Variants in HIVEP3 observed in about 807,000 individuals in gnomAD.
The protein encoded by HIVEP3 is transcription factor HIVEP3.
A neutral mutation model predicts 152.8 loss-of-function variants in HIVEP3; 49 were observed. The ratio of observed to expected loss-of-function variants is 0.32; its 90% CI spans 0.26 to 0.41. The LOEUF is 0.41. HIVEP3 is among the 10% of genes least tolerant of loss of function. HIVEP3 has a pLI of 1.00. For synonymous variants in HIVEP3, 1,269 were observed against 1,289.0 expected, an observed-to-expected ratio of 0.98 and a Z score of 0.33; for missense variants, 2,790 against 3,103.3, an observed-to-expected ratio of 0.90 and a Z score of 2.40.
intron 2 of HIVEP3, among the ~76,000 whole-genome samples, chr1:41,696,847 T>C (rs1018799951): frequency 1.3e-5 from 2 of 152,254 alleles, no homozygotes; most frequent in Non-Finnish European, 2.9e-5. Context: ...TGAATTTTTT[T>C]TCCTCTACTT....
At chr1:41,816,026 A>G (rs1481557538) in intron 1 of HIVEP3, among the ~76,000 whole-genome samples, 1 of 152,168 alleles carries the variant, frequency 6.6e-6, no homozygotes, top group East Asian at 1.9e-4. Context: ...AGAGCTGTGG[A>G]GCATCCTAAA....
rs61561436 is a variant in HIVEP3, at chr1:41,888,202, A to AT, written c.-801+30210dup. Among the ~76,000 whole-genome samples, 986 of 99,220 alleles carry AT rather than the reference A, an allele frequency of 9.9e-3. 11 individuals carry two copies. Among genetic ancestry groups the AT allele is most frequent in the East Asian group, 0.036 (131 of 3,638 alleles). 65.1% of individuals were successfully genotyped at this position (99,220 alleles called of 152,430 possible). ...AGGCACCCACCACCACGCCCGGCTA[A>AT]TTTTTTTTTTTTTTTTTTTTTTTGT... On this transcript the variant is annotated intron_variant, in intron 1 of 8. Transcript: ENST00000372583.
chr1:41,698,906 A>G (rs1646318468), intron 2 of HIVEP3, among the ~76,000 whole-genome samples: 1 of 152,070 alleles, frequency 6.6e-6, no homozygotes, highest in Non-Finnish European at 1.5e-5. Flanking sequence ...AGAAGGGGCA[A>G]ACTTGCTCTT....
intron 1 of HIVEP3, among the ~76,000 whole-genome samples, chr1:41,966,478 T>C (rs1645198612): frequency 7.9e-6 from 1 of 125,826 alleles, no homozygotes; most frequent in Non-Finnish European, 1.7e-5. Flanking sequence ...CTGTATTCTT[T>C]TTTTTTTTTT....
Position 41,642,177 on chromosome 1 carries a change from G to A in HIVEP3, c.-720-13230C>T, listed in dbSNP as rs891089603. 1.1e-4 allele frequency among the ~76,000 whole-genome samples: 17 copies of A among 152,288 alleles called. No homozygotes were observed. The South Asian group carries it at 1.9e-3, about 17-fold the overall frequency. ...TCTGCACTGTCCTGCCCAGCCCACC[G>A]ATCCATAGACCCAGACAGACTGTCC... is the stretch of plus-strand genomic sequence containing the variant. On this transcript the variant is annotated intron_variant, in intron 2 of 8. Transcript: ENST00000372583.
At chr1:41,594,766 C>T (rs2149118855) in intron 3 of HIVEP3, among the ~76,000 whole-genome samples, 1 of 152,130 alleles carries the variant, frequency 6.6e-6, no homozygotes, top group East Asian at 1.9e-4. Flanking sequence ...CCCTTTATGA[C>T]TTTTAGGTTT....
chr1:42,035,625 G>A (rs973362624), intron 1 of HIVEP3, among the ~76,000 whole-genome samples: 3 of 151,994 alleles, frequency 2.0e-5, no homozygotes, highest in South Asian at 4.1e-4. Flanking sequence ...GGGGACCCCA[G>A]CTGAGGGGGC....
intron 2 of HIVEP3, among the ~76,000 whole-genome samples, chr1:41,667,963 A>G (rs1296224580): frequency 1.3e-5 from 2 of 152,192 alleles, no homozygotes; most frequent in African/African-American, 4.8e-5. Context: ...GAAGGGGGAC[A>G]TGAGAATTAA....
intron 3 of HIVEP3, among the ~76,000 whole-genome samples, chr1:41,612,768 G>C (rs1012345028): frequency 6.6e-6 from 1 of 152,320 alleles, no homozygotes; most frequent in South Asian, 2.1e-4. Context: ...TCAGGGCCTA[G>C]AATCATCACC....
intron 5 of HIVEP3, among the ~76,000 whole-genome samples, chr1:41,559,765 C>T (rs1420656302): frequency 6.6e-6 from 1 of 152,184 alleles, no homozygotes; most frequent in East Asian, 1.9e-4. Context: ...TCCTTACTGG[C>T]AAATGAGGAA....
rs191680734 is a variant in HIVEP3 at position 41,699,184 on chromosome 1, G to A, written c.-721+1732C>T. The stretch of plus-strand genomic sequence containing the variant: ...CTGAGCACGTGGTGCATACCGTGCT[G>A]GCCTCTCGCTTGAGCTCTTGCGTTT... On this transcript the variant is annotated intron_variant, in intron 2 of 8. Coordinates refer to ENST00000372583, the MANE Select transcript of HIVEP3 (RefSeq NM_024503.5). Among the ~76,000 whole-genome samples the A allele has an allele frequency of 4.9e-3, 740 of 152,320 alleles. 4 individuals carry two copies. The highest frequency in any genetic ancestry group is 0.017 in the African/African-American group (720 of 41,568).
chr1:41,604,817 G>C (rs1479574165), intron 3 of HIVEP3, among the ~76,000 whole-genome samples: 1 of 152,114 alleles, frequency 6.6e-6, no homozygotes, highest in African/African-American at 2.4e-5. Flanking sequence ...TTAGAAAATA[G>C]GATAGCCCAG....
intron 5 of HIVEP3, chr1:41,535,355 A>G (rs549683111): frequency 6.6e-6 from 1 of 152,190 alleles, no homozygotes; most frequent in African/African-American, 2.4e-5. Flanking sequence ...CCGGAACACC[A>G]TGATGGGGGT....
At chr1:41,557,788 A>G (rs1643990941) in intron 5 of HIVEP3, among the ~76,000 whole-genome samples, 2 of 152,156 alleles carry the variant, frequency 1.3e-5, no homozygotes, top group South Asian at 4.1e-4. Flanking sequence ...AAAGAGAATA[A>G]AGGACAAAGA....
intron 5 of HIVEP3, among the ~76,000 whole-genome samples, chr1:41,566,978 T>C (rs1644173770): frequency 6.6e-6 from 1 of 151,828 alleles, no homozygotes; most frequent in South Asian, 2.1e-4. Context: ...CTCTGAAGAG[T>C]GTATTCAGCC....
chr1:41,830,127 G>A (rs1642919053), intron 1 of HIVEP3, among the ~76,000 whole-genome samples: 2 of 152,146 alleles, frequency 1.3e-5, no homozygotes, highest in Admixed American at 1.3e-4. Flanking sequence ...CACAGAAGAA[G>A]TATTTTTGTA....
intron 1 of HIVEP3, among the ~76,000 whole-genome samples, chr1:41,795,177 T>C (rs1447184439): frequency 6.6e-6 from 1 of 152,252 alleles, no homozygotes; most frequent in African/African-American, 2.4e-5. Flanking sequence ...GATCTGACAT[T>C]GCATTTAGAT....
chr1:41,658,736 C>A (rs1645667642), intron 2 of HIVEP3, among the ~76,000 whole-genome samples: 1 of 152,178 alleles, frequency 6.6e-6, no homozygotes, highest in Non-Finnish European at 1.5e-5. Flanking sequence ...GATTAGTCCA[C>A]AGAGTGAACA....
intron 3 of HIVEP3, among the ~76,000 whole-genome samples, chr1:41,618,546 T>C (rs1483259155): frequency 6.6e-6 from 1 of 152,164 alleles, no homozygotes; most frequent in East Asian, 1.9e-4. Context: ...GCACCACTCA[T>C]AGGCCTTGCA....
Sources: gnomAD v4.1 joint callset for allele counts (sites outside exome capture counted in the v4.1 genomes callset) on GRCh38, gnomAD v4.1.1 for gene constraint, MANE v1.5 for transcripts, NCBI Gene and HGNC (gene_info 2026-07-23, HGNC 2026-07-21) for gene names.